ATG5: variants seen among roughly 807,000 people sequenced by gnomAD.
ATG5 encodes autophagy related 5, also known as autophagy protein 5.
Under a neutral mutation model 36.5 loss-of-function variants are expected in ATG5, and 14 were observed. The observed-to-expected ratio is 0.38, with a 90% CI of 0.25 to 0.60. The LOEUF is 0.60. Ranked by LOEUF, ATG5 falls within the 20% of genes least tolerant of loss-of-function variation. The pLI is 0.60. For missense variants in ATG5, 195 were observed against 326.7 expected (o/e 0.60, Z 3.11); for synonymous variants, 95 against 101.5 (o/e 0.94, Z 0.38).
intron 3 of ATG5, among the ~76,000 whole-genome samples, chr6:106,294,845 GAAAAA>G (rs1219794619): frequency 1.2e-5 from 1 of 85,948 alleles, no homozygotes; most frequent in Admixed American, 1.3e-4. Flanking sequence ...CTTTTCTCAA[GAAAAA>G]AAAAAAAAAA....
At chr6:106,309,198 A>G (rs1443977552) in intron 2 of ATG5, among the ~76,000 whole-genome samples, 2 of 152,162 alleles carry the variant, frequency 1.3e-5, no homozygotes, top group African/African-American at 4.8e-5. Flanking sequence ...TTTGCTGATA[A>G]AACTGCTTTG....
rs141618566 is a variant in ATG5, at chr6:106,204,101, T to C, written c.574-2012A>G. ...GGGGAGTAGGGGGCTAGGGGAGGGA[T>C]AGCATTAGGAGAAATACCTAACGTA... is the stretch of plus-strand genomic sequence containing the variant. On this transcript the variant is annotated intron_variant, in intron 6 of 7. Coordinates refer to ENST00000369076, the MANE Select transcript of ATG5 (RefSeq NM_004849.4). Among the ~76,000 whole-genome samples the C allele has an allele frequency of 8.5e-3, 1,287 of 152,046 alleles. 14 individuals are homozygous for C. The highest frequency in any genetic ancestry group is 0.028 in the African/African-American group (1,163 of 41,452).
intron 3 of ATG5, among the ~76,000 whole-genome samples, chr6:106,302,792 A>G (rs944403661): frequency 2.0e-5 from 3 of 152,082 alleles, no homozygotes; most frequent in African/African-American, 7.2e-5. Flanking sequence ...AAAAAAACTA[A>G]GATTCCAAAA....
intron 6 of ATG5, among the ~76,000 whole-genome samples, chr6:106,233,801 G>A (rs999409383): frequency 1.3e-5 from 2 of 151,992 alleles, no homozygotes; most frequent in Non-Finnish European, 2.9e-5. Context: ...TCTCTTTACT[G>A]TTCTCTTACC....
At chr6:106,255,446 T>C (rs1048126172) in intron 5 of ATG5, among the ~76,000 whole-genome samples, 7 of 152,172 alleles carry the variant, frequency 4.6e-5, no homozygotes, top group African/African-American at 7.2e-5. Flanking sequence ...CTTGGAAATT[T>C]AAAGAAAATT....
intron 5 of ATG5, among the ~76,000 whole-genome samples, chr6:106,251,650 AGGGAGGGAGGAAGGGAGG>A (rs1778583177): frequency 1.6e-5 from 1 of 64,024 alleles, no homozygotes. Context: ...AGAGAGAGGG[AGGGAGGGAGGAAGGGAGG>A]GGGAGGGGGA....
intron 5 of ATG5, among the ~76,000 whole-genome samples, chr6:106,268,269 A>G (rs1183184503): frequency 6.6e-6 from 1 of 152,240 alleles, no homozygotes; most frequent in African/African-American, 2.4e-5. Context: ...GCAAACAAAC[A>G]TGAAAAAAAG....
intron 2 of ATG5, among the ~76,000 whole-genome samples, chr6:106,312,354 T>G (rs968850854): frequency 1.1e-4 from 17 of 152,144 alleles, no homozygotes; most frequent in South Asian, 6.2e-4. Context: ...CAGATTTTTT[T>G]GGGGGGAAAG....
intron 7 of ATG5, among the ~76,000 whole-genome samples, chr6:106,195,702 G>A (rs2114330315): frequency 6.6e-6 from 1 of 151,846 alleles, no homozygotes; most frequent in Non-Finnish European, 1.5e-5. Flanking sequence ...AGTTTGCATG[G>A]GGAGAAGTCT....
intron 6 of ATG5, among the ~76,000 whole-genome samples, chr6:106,236,824 T>G (rs1259680340): frequency 1.3e-5 from 2 of 152,168 alleles, no homozygotes; most frequent in African/African-American, 4.8e-5. Flanking sequence ...ATATGCCCCA[T>G]GAAAGCAAAC....
intron 6 of ATG5, among the ~76,000 whole-genome samples, chr6:106,241,511 G>A (rs577397852): frequency 2.0e-5 from 3 of 152,274 alleles, no homozygotes; most frequent in East Asian, 3.9e-4. Context: ...CCAAATAACT[G>A]AAAACAGGGT....
chr6:106,238,095 C>T (rs1435410129), intron 6 of ATG5, among the ~76,000 whole-genome samples: 1 of 152,158 alleles, frequency 6.6e-6, no homozygotes, highest in African/African-American at 2.4e-5. Flanking sequence ...AAGTGAAGTC[C>T]TTTTAAGCAC....
intron 6 of ATG5, among the ~76,000 whole-genome samples, chr6:106,232,072 A>C (rs1309418142): frequency 3.3e-5 from 5 of 152,198 alleles, no homozygotes; most frequent in Non-Finnish European, 7.3e-5. Context: ...AGGTCCTCTG[A>C]GTCAGAAGCC....
intron 6 of ATG5, among the ~76,000 whole-genome samples, chr6:106,212,383 G>C (rs990374337): frequency 6.6e-6 from 1 of 152,250 alleles, no homozygotes; most frequent in Non-Finnish European, 1.5e-5. Flanking sequence ...GCTCATGCCT[G>C]TAATTCCAGC....
At chr6:106,244,084 T>TA (rs942969511) in intron 6 of ATG5, among the ~76,000 whole-genome samples, 2 of 151,818 alleles carry the variant, frequency 1.3e-5, no homozygotes, top group African/African-American at 4.8e-5. Context: ...CCGGCTCATT[T>TA]AAAAAAATTT....
chr6:106,300,738 T>C (rs1770176142), intron 3 of ATG5, among the ~76,000 whole-genome samples: 1 of 152,074 alleles, frequency 6.6e-6, no homozygotes, highest in Admixed American at 6.6e-5. Flanking sequence ...ACAGAAAGGA[T>C]ACTATAAAAA....
At chr6:106,294,077 C>T (rs139578386) in intron 3 of ATG5, among the ~76,000 whole-genome samples, 235 of 151,984 alleles carry the variant, frequency 1.5e-3, no homozygotes, top group African/African-American at 5.5e-3. Flanking sequence ...TTGAGTGTCA[C>T]GTCAGTGCTC....
chr6:106,194,783 C>T (rs192681087), intron 7 of ATG5, among the ~76,000 whole-genome samples: 4 of 152,180 alleles, frequency 2.6e-5, no homozygotes, highest in South Asian at 4.1e-4. Context: ...GTGATCCACC[C>T]GCCTAGCTTA....
At chr6:106,231,202 A>G (rs1777676196) in intron 6 of ATG5, among the ~76,000 whole-genome samples, 1 of 152,254 alleles carries the variant, frequency 6.6e-6, no homozygotes, top group African/African-American at 2.4e-5. Context: ...AGACCTAGGT[A>G]AATTCTCAGA....
Sources: allele counts gnomAD v4.1 joint callset (sites outside exome capture counted in the v4.1 genomes callset), GRCh38; gene constraint gnomAD v4.1.1; transcripts MANE v1.5; gene names NCBI Gene and HGNC (gene_info 2026-07-23, HGNC 2026-07-21).